ABI3BP: variants seen among roughly 807,000 people sequenced by gnomAD.
The protein encoded by ABI3BP is target of Nesh-SH3.
ABI3BP carries 216 observed loss-of-function variants against 268.6 expected under a neutral mutation model. That is an observed-to-expected ratio of 0.80 (90% confidence interval 0.72 to 0.90). The LOEUF (loss-of-function observed/expected upper bound fraction) is 0.90. Ranked by LOEUF, ABI3BP falls within the 40% of genes least tolerant of loss-of-function variation. The probability of loss-of-function intolerance (pLI) is 0.00; values close to 1 mark genes in which losing one functional copy is unlikely to be tolerated. For missense variants in ABI3BP, 2,090 were observed against 2,182.4 expected (o/e 0.96, Z 0.84); for synonymous variants, 730 against 730.0 (o/e 1.00, Z 0.00).
rs80318892 is a variant in ABI3BP, at chr3:100,772,678, A to G, written c.4532-1726T>C. On this transcript the variant is annotated intron_variant, in intron 61 of 67. Coordinates refer to ENST00000471714, the MANE Select transcript of ABI3BP (RefSeq NM_001375547.2). Reference sequence around the variant, plus strand: ...CTAAAAGAAGATTGACAAAGAGGAAAAAAGGGAACAAAGAATAGATGGGAA... The same window carrying G: ...CTAAAAGAAGATTGACAAAGAGGAAGAAAGGGAACAAAGAATAGATGGGAA... 5.5e-3 allele frequency among the ~76,000 whole-genome samples: 840 copies of G among 152,362 alleles called. 11 individuals are homozygous for G. Among genetic ancestry groups the G allele is most frequent in the African/African-American group, 0.019 (804 of 41,588 alleles).
chr3:100,810,362 C>T (rs978353591), intron 49 of ABI3BP, 50 bp downstream of exon 49: 7 of 1,450,488 alleles, frequency 4.8e-6, no homozygotes, highest in Admixed American at 4.0e-5. Flanking sequence ...ACCATACTGA[C>T]ATTCTGCAAA....
intron 44 of ABI3BP, among the ~76,000 whole-genome samples, 147 bp downstream of exon 44, chr3:100,815,755 GTAACACTTGA>G (rs1271752879): frequency 6.6e-6 from 1 of 152,098 alleles, no homozygotes; most frequent in African/African-American, 2.4e-5. Flanking sequence ...AAAACAACAG[GTAACACTTGA>G]ATTAAAACTG....
intron 62 of ABI3BP, among the ~76,000 whole-genome samples, chr3:100,767,702 A>C (rs1226799636): frequency 6.6e-6 from 1 of 152,064 alleles, no homozygotes; most frequent in Non-Finnish European, 1.5e-5. Flanking sequence ...GGTTAATAAT[A>C]TCTCTTCATA....
chr3:100,823,279 C>T (rs555531511), intron 37 of ABI3BP, among the ~76,000 whole-genome samples, 179 bp downstream of exon 37: 124 of 152,120 alleles, frequency 8.2e-4, no homozygotes, highest in African/African-American at 2.8e-3. Context: ...GGCATATAAA[C>T]GTCCTCAAGT....
At position 100,824,863 on chromosome 3, in the gene ABI3BP, T is replaced by C; in HGVS notation, c.2741A>G (p.Lys914Arg). The change falls in exon 36 of 68, where the codon AAA becomes AGA. Residue 914 changes from lysine to arginine, a missense_variant. By Grantham distance (26) the Lys-to-Arg change is conservative (BLOSUM62 2). Transcript: ENST00000471714. ...CCAAGGAATCACAGATTTACCAGGT[T>C]TGGTCTCAGGTGCCTGAGGGCTCGG... The part of the protein sequence containing the change: ...TTPSPQAPET[K>R]PVPATVLEPV... The C allele has an allele frequency of 6.5e-7, 1 of 1,535,618 alleles. No homozygotes were observed. Among genetic ancestry groups the C allele is most frequent in the South Asian group, 1.2e-5 (1 of 83,966 alleles).
At chr3:100,950,496 G>C (rs929752135) in intron 1 of ABI3BP, among the ~76,000 whole-genome samples, 1 of 149,996 alleles carries the variant, frequency 6.7e-6, no homozygotes. Context: ...TGGTATCACA[G>C]AAGAAGTGGC....
Position 100,763,508 on chromosome 3 carries a change from T to C in ABI3BP, c.4850+2333A>G, listed in dbSNP as rs115519246. On this transcript the variant is annotated intron_variant, in intron 63 of 67. Transcript: ENST00000471714. The stretch of plus-strand genomic sequence containing the variant: ...AAGAAAAAATCTAGACAGGCACTCC[T>C]CTGGGCTTTGCTAGTCTTGAGGTAA... Among the ~76,000 whole-genome samples, 603 of 151,480 alleles carry C rather than the reference T, an allele frequency of 4.0e-3. 3 individuals carry two copies. Among genetic ancestry groups the C allele is most frequent in the African/African-American group, 0.014 (575 of 41,288 alleles).
intron 9 of ABI3BP, among the ~76,000 whole-genome samples, chr3:100,873,096 G>A (rs1236481744): frequency 6.6e-6 from 1 of 152,062 alleles, no homozygotes; most frequent in Admixed American, 6.6e-5. Flanking sequence ...AGCACCTAAC[G>A]AGAACTTAAG....
At chr3:100,984,585 G>T (rs901450502) in intron 1 of ABI3BP, among the ~76,000 whole-genome samples, 3 of 152,120 alleles carry the variant, frequency 2.0e-5, no homozygotes, top group African/African-American at 7.2e-5. Flanking sequence ...TGTACTGACA[G>T]GCCTTAAATG....
intron 24 of ABI3BP, 67 bp from the exon 25 acceptor site, chr3:100,838,531 T>A: frequency 7.9e-7 from 1 of 1,271,732 alleles, no homozygotes; most frequent in Non-Finnish European, 1.1e-6. Context: ...TAAGGACAAT[T>A]ATGCAGAACA....
chr3:100,835,686 A>C, intron 27 of ABI3BP, 26 bp from the exon 28 acceptor site: 1 of 1,503,300 alleles, frequency 6.7e-7, no homozygotes, highest in South Asian at 1.2e-5. Context: ...ACAATAAACA[A>C]TGGAGATTAA....
chr3:100,812,346 A>T, intron 46 of ABI3BP, 121 bp downstream of exon 46: 1 of 551,680 alleles, frequency 1.8e-6, no homozygotes, highest in African/African-American at 1.9e-5. Flanking sequence ...GGATGAGCAC[A>T]GACAAGCTGT....
chr3:100,863,793 C>A, intron 12 of ABI3BP: 1 of 524,572 alleles, frequency 1.9e-6, no homozygotes, highest in South Asian at 2.9e-5. Flanking sequence ...AAGAATCAAA[C>A]ATAATATTAA....
At chr3:100,762,288 C>T (rs956260807) in intron 63 of ABI3BP, among the ~76,000 whole-genome samples, 1 of 152,130 alleles carries the variant, frequency 6.6e-6, no homozygotes, top group Admixed American at 6.5e-5. Flanking sequence ...ACTATTTGGA[C>T]ACTAGTGATT....
intron 4 of ABI3BP, among the ~76,000 whole-genome samples, chr3:100,891,119 C>G (rs2044438215): frequency 6.6e-6 from 1 of 151,922 alleles, no homozygotes; most frequent in African/African-American, 2.4e-5. Flanking sequence ...GTCTGTCTAA[C>G]CACATTTTCC....
chr3:100,777,652 T>A (rs1247193203), intron 59 of ABI3BP, among the ~76,000 whole-genome samples: 1 of 152,084 alleles, frequency 6.6e-6, no homozygotes, highest in African/African-American at 2.4e-5. Flanking sequence ...GGGGAGGTTT[T>A]TAAAGAAAAG....
chr3:100,831,198 A>C (rs965272136), intron 31 of ABI3BP, among the ~76,000 whole-genome samples: 4 of 152,038 alleles, frequency 2.6e-5, no homozygotes, highest in Admixed American at 2.6e-4. Context: ...AATGAGGCAA[A>C]GGTGATGGGT....
At chr3:100,976,941 C>T (rs1352283905) in intron 1 of ABI3BP, among the ~76,000 whole-genome samples, 1 of 152,246 alleles carries the variant, frequency 6.6e-6, no homozygotes, top group Non-Finnish European at 1.5e-5. Context: ...ACTATGAAGG[C>T]CTCTGGAGAT....
chr3:100,895,940 G>T (rs1012888928), intron 4 of ABI3BP, among the ~76,000 whole-genome samples: 2 of 152,022 alleles, frequency 1.3e-5, no homozygotes, highest in Admixed American at 6.6e-5. Context: ...ACATCACAAA[G>T]ACTTTAAATG....
Sources: gnomAD v4.1 joint callset for allele counts (sites outside exome capture counted in the v4.1 genomes callset) on GRCh38, gnomAD v4.1.1 for gene constraint, MANE v1.5 for transcripts, NCBI Gene and HGNC (gene_info 2026-07-23, HGNC 2026-07-21) for gene names.